The following DIAPH3 variants were observed in gnomAD, a reference collection of about 807,000 sequenced individuals.
The protein encoded by DIAPH3 is protein diaphanous homolog 3.
A neutral mutation model predicts 144.3 loss-of-function variants in DIAPH3; 117 were observed. The ratio of observed to expected loss-of-function variants is 0.81; its 90% CI spans 0.70 to 0.95. The LOEUF (loss-of-function observed/expected upper bound fraction) is 0.95, where lower values mean the gene tolerates loss of function less well. Ranked by LOEUF, DIAPH3 falls within the 40% of genes least tolerant of loss-of-function variation. The pLI, the probability that DIAPH3 is intolerant of heterozygous loss-of-function variation, is 0.00. For missense variants in DIAPH3, 1,421 were observed against 1,412.7 expected, an observed-to-expected ratio of 1.01 and a Z score of -0.09; for synonymous variants, 519 against 488.9, an observed-to-expected ratio of 1.06 and a Z score of -0.81.
In DIAPH3 at chr13:60,105,102, A is replaced by AAAAAAAAAC. The variant is rs1566777824; in HGVS notation, c.390+6907_390+6908insGTTTTTTTT. 3.5e-5 allele frequency among the ~76,000 whole-genome samples: 4 copies of AAAAAAAAAC among 114,808 alleles called. 1 individual carries two copies. Among genetic ancestry groups the AAAAAAAAAC allele is most frequent in the African/African-American group, 1.4e-4 (4 of 29,194 alleles). 75.3% of individuals were successfully genotyped at this position (114,808 alleles called of 152,430 possible). On this transcript the variant is annotated intron_variant, in intron 3 of 27. Transcript: ENST00000400324. Reference sequence around the variant, plus strand: ...GCGACAAAGTGAGACACGATCTCAAAAAAAAAAAAAAAAAAAAAAAAAACT... The same window carrying AAAAAAAAAC: ...GCGACAAAGTGAGACACGATCTCAAAAAAAAAAACAAAAAAAAAAAAAAAAAAAAAAACT...
chr13:59,833,926 C>CAACAT (rs2139729058), intron 23 of DIAPH3, among the ~76,000 whole-genome samples: 2 of 151,514 alleles, frequency 1.3e-5, no homozygotes, highest in African/African-American at 4.8e-5. Flanking sequence ...TAAAAGCAAA[C>CAACAT]AAAATTTTAA....
At chr13:60,135,248 T>C in intron 1 of DIAPH3, among the ~76,000 whole-genome samples, 1 of 125,056 alleles carries the variant, frequency 8.0e-6, no homozygotes, top group Admixed American at 9.2e-5. Flanking sequence ...GTCATGGTTT[T>C]CTTTTTTTTT....
At chr13:60,083,179 C>A (rs1293678552) in intron 4 of DIAPH3, among the ~76,000 whole-genome samples, 1 of 151,840 alleles carries the variant, frequency 6.6e-6, no homozygotes, top group Admixed American at 6.6e-5. Context: ...AAAGATGGGA[C>A]AATTTGATCT....
At chr13:59,932,882 GATA>G (rs1215227436) in intron 17 of DIAPH3, among the ~76,000 whole-genome samples, 1 of 152,126 alleles carries the variant, frequency 6.6e-6, no homozygotes, top group Non-Finnish European at 1.5e-5. Flanking sequence ...TATGAAGCCA[GATA>G]ATGAGTCTAT....
intron 9 of DIAPH3, among the ~76,000 whole-genome samples, chr13:59,999,001 C>T (rs1432059466): frequency 4.6e-5 from 7 of 151,824 alleles, no homozygotes; most frequent in African/African-American, 1.7e-4. Flanking sequence ...ACACTTAAAA[C>T]AAAAAATAGT....
intron 21 of DIAPH3, among the ~76,000 whole-genome samples, chr13:59,863,585 G>A (rs1593731869): frequency 6.6e-6 from 1 of 151,928 alleles, no homozygotes; most frequent in Non-Finnish European, 1.5e-5. Context: ...TCATAGAGCC[G>A]GGAACAGTGA....
intron 4 of DIAPH3, among the ~76,000 whole-genome samples, chr13:60,073,975 G>A (rs889170697): frequency 3.3e-5 from 5 of 152,272 alleles, no homozygotes; most frequent in Admixed American, 2.0e-4. Context: ...TCTCTGTTAG[G>A]AACAATATCA....
chr13:59,786,351 T>A (rs980217650), intron 25 of DIAPH3, among the ~76,000 whole-genome samples: 1 of 152,164 alleles, frequency 6.6e-6, no homozygotes, highest in Non-Finnish European at 1.5e-5. Flanking sequence ...AAAAGAAACC[T>A]ATTCTTGGAT....
intron 27 of DIAPH3, among the ~76,000 whole-genome samples, chr13:59,768,015 T>C (rs1366016437): frequency 1.3e-4 from 20 of 152,214 alleles, no homozygotes; most frequent in Non-Finnish European, 7.3e-5. Context: ...GCAGGAGCCC[T>C]GCTGAGTCCA....
intron 27 of DIAPH3, among the ~76,000 whole-genome samples, chr13:59,771,904 TTATTAA>T (rs1190746174): frequency 1.3e-5 from 2 of 151,934 alleles, no homozygotes; most frequent in East Asian, 1.9e-4. Flanking sequence ...TAGCTTATTA[TTATTAA>T]TATTATCATT....
intron 27 of DIAPH3, among the ~76,000 whole-genome samples, chr13:59,689,311 A>T (rs2033384685): frequency 6.6e-6 from 1 of 151,878 alleles, no homozygotes; most frequent in South Asian, 2.1e-4. Context: ...TGCTGTCCAC[A>T]CCCTGTCTCC....
At chr13:59,737,633 T>C (rs1258415671) in intron 27 of DIAPH3, among the ~76,000 whole-genome samples, 1 of 152,222 alleles carries the variant, frequency 6.6e-6, no homozygotes, top group Non-Finnish European at 1.5e-5. Flanking sequence ...ATGTAAATCT[T>C]GATTTAGGTA....
intron 22 of DIAPH3, among the ~76,000 whole-genome samples, chr13:59,845,994 A>T (rs1446940893): frequency 6.6e-6 from 1 of 152,208 alleles, no homozygotes; most frequent in African/African-American, 2.4e-5. Context: ...ACAGGAAAAT[A>T]TAACAGATTA....
intron 5 of DIAPH3, chr13:60,034,583 C>A (rs973020224): frequency 6.6e-6 from 1 of 152,176 alleles, no homozygotes; most frequent in Non-Finnish European, 1.5e-5. Context: ...GGCCAGTTCA[C>A]CTCTCCTTGG....
intron 1 of DIAPH3, chr13:60,147,344 A>G (rs1399787023): frequency 6.6e-6 from 1 of 152,200 alleles, no homozygotes; most frequent in Non-Finnish European, 1.5e-5. Context: ...AACAAAAAAA[A>G]GGTAAATTTG....
At chr13:59,757,692 G>A (rs879590325) in intron 27 of DIAPH3, among the ~76,000 whole-genome samples, 16 of 152,000 alleles carry the variant, frequency 1.1e-4, no homozygotes, top group Admixed American at 3.9e-4. Flanking sequence ...GAGCCACCGC[G>A]CCCGGCCTAT....
intron 4 of DIAPH3, among the ~76,000 whole-genome samples, chr13:60,088,112 C>G (rs1316002559): frequency 1.3e-5 from 2 of 152,074 alleles, no homozygotes; most frequent in African/African-American, 4.8e-5. Context: ...AGGTAGCAGT[C>G]CAGTTGTAAT....
chr13:59,691,283 T>A lies in DIAPH3; in HGVS notation c.3320-24437A>T, dbSNP rs571002015. On this transcript the variant is annotated intron_variant, in intron 27 of 27. Coordinates refer to ENST00000400324, the MANE Select transcript of DIAPH3 (RefSeq NM_001042517.2). ...AAATTACACAGACCCTTGCCCTGCA[T>A]GAGAGAGAAGAATTTCTGCTTACTC... Among the ~76,000 whole-genome samples, 390 of 152,292 alleles carry A rather than the reference T, an allele frequency of 2.6e-3. 3 individuals are homozygous for A. The highest frequency in any genetic ancestry group is 3.5e-3 in the Non-Finnish European group (239 of 68,014).
chr13:59,773,136 A>G (rs2038211460), intron 27 of DIAPH3, among the ~76,000 whole-genome samples: 1 of 152,152 alleles, frequency 6.6e-6, no homozygotes, highest in Non-Finnish European at 1.5e-5. Context: ...GTATTGTTAT[A>G]CAAGAGAAAG....
Sources: gnomAD v4.1 joint callset for allele counts (sites outside exome capture counted in the v4.1 genomes callset) on GRCh38, gnomAD v4.1.1 for gene constraint, MANE v1.5 for transcripts, NCBI Gene and HGNC (gene_info 2026-07-23, HGNC 2026-07-21) for gene names.